The following ERGIC1 variants were observed in gnomAD, a reference collection of about 807,000 sequenced individuals.
ERGIC1 encodes the protein endoplasmic reticulum-golgi intermediate compartment 1.
Under a neutral mutation model 38.3 loss-of-function variants are expected in ERGIC1, and 19 were observed. The ratio of observed to expected loss-of-function variants is 0.50; its 90% CI spans 0.35 to 0.73. The LOEUF (loss-of-function observed/expected upper bound fraction) is 0.73. Ranked by LOEUF, ERGIC1 falls within the 30% of genes least tolerant of loss-of-function variation. The probability of loss-of-function intolerance (pLI) is 0.01; values close to 1 mark genes in which losing one functional copy is unlikely to be tolerated. For synonymous variants in ERGIC1, 124 were observed against 157.6 expected, an observed-to-expected ratio of 0.79 and a Z score of 1.60; for missense variants, 294 against 389.2, an observed-to-expected ratio of 0.76 and a Z score of 2.06.
At chr5:172,904,058 C>A (rs918563526) in intron 3 of ERGIC1, among the ~76,000 whole-genome samples, 2 of 152,200 alleles carry the variant, frequency 1.3e-5, no homozygotes, top group African/African-American at 2.4e-5. Context: ...CTTGACCTGG[C>A]AGTCATCCAG....
intron 2 of ERGIC1, among the ~76,000 whole-genome samples, chr5:172,895,039 C>T (rs1488287479): frequency 6.6e-6 from 1 of 152,218 alleles, no homozygotes; most frequent in African/African-American, 2.4e-5. Flanking sequence ...CTGTCACATC[C>T]GTGACGCTGG....
chr5:172,938,786 G>A (rs1364180773), intron 9 of ERGIC1, among the ~76,000 whole-genome samples: 1 of 151,476 alleles, frequency 6.6e-6, no homozygotes, highest in African/African-American at 2.4e-5. Context: ...GAAATCGGCC[G>A]GGCACGGTGG....
intron 5 of ERGIC1, chr5:172,920,639 T>C (rs1763487494): frequency 3.5e-6 from 2 of 576,950 alleles, no homozygotes; most frequent in South Asian, 4.0e-5. Context: ...ATGGATTTGG[T>C]GTGGAGGGGG....
At chr5:172,930,136 C>T (rs531757380) in intron 7 of ERGIC1, among the ~76,000 whole-genome samples, 134 of 146,196 alleles carry the variant, frequency 9.2e-4, no homozygotes, top group Admixed American at 1.5e-3. Flanking sequence ...TGCAGTGAGC[C>T]GAGATCGTGC....
At chr5:172,934,881 A>G in intron 8 of ERGIC1, 1 of 385,980 alleles carries the variant, frequency 2.6e-6, no homozygotes, top group South Asian at 2.7e-5. Flanking sequence ...AGGAGGCAAT[A>G]GCCAAAAATT....
intron 1 of ERGIC1, among the ~76,000 whole-genome samples, chr5:172,838,232 G>C (rs6895996): frequency 0.44 from 67,494 of 152,136 alleles, 15,470 homozygotes; most frequent in East Asian, 0.65. Flanking sequence ...AATGCAGGAT[G>C]AGGCCCATAA....
At chr5:172,866,845 T>G (rs1581524979) in intron 1 of ERGIC1, 2 of 287,798 alleles carry the variant, frequency 6.9e-6, no homozygotes, top group Non-Finnish European at 1.4e-5. Flanking sequence ...TCAGTGGAGG[T>G]TTTCTTGACT....
chr5:172,856,372 T>A (rs1417565387), intron 1 of ERGIC1, among the ~76,000 whole-genome samples: 1 of 152,188 alleles, frequency 6.6e-6, no homozygotes, highest in Non-Finnish European at 1.5e-5. Flanking sequence ...AGTGCTTGAC[T>A]GGAAGAGAAG....
chr5:172,862,276 C>T (rs1372633081), intron 1 of ERGIC1, among the ~76,000 whole-genome samples: 1 of 115,670 alleles, frequency 8.6e-6, no homozygotes, highest in South Asian at 3.0e-4. Flanking sequence ...CGTGAGCCAC[C>T]TTGCCTGGGC....
chr5:172,935,516 C>T, intron 9 of ERGIC1: 1 of 594,358 alleles, frequency 1.7e-6, no homozygotes, highest in South Asian at 2.4e-5. Flanking sequence ...GACGTTTTGT[C>T]TAGAAAGTAT....
chr5:172,865,722 C>CTG (rs1761841409), intron 1 of ERGIC1, among the ~76,000 whole-genome samples: 1 of 152,196 alleles, frequency 6.6e-6, no homozygotes. Flanking sequence ...ATGATCTGAT[C>CTG]TGTGTGTGTT....
chr5:172,921,750 A>G (rs969178095), intron 5 of ERGIC1: 2 of 145,322 alleles, frequency 1.4e-5, no homozygotes, highest in Non-Finnish European at 1.6e-5. Context: ...TTGGAGTTCA[A>G]TAATACCAGA....
chr5:172,918,943 C>T (rs1331653475), intron 5 of ERGIC1, among the ~76,000 whole-genome samples: 3 of 152,280 alleles, frequency 2.0e-5, no homozygotes, highest in Middle Eastern at 6.8e-3. Flanking sequence ...CCCCACCACG[C>T]CCCTCATCAC....
intron 3 of ERGIC1, among the ~76,000 whole-genome samples, chr5:172,902,016 A>G (rs1381627597): frequency 6.6e-6 from 1 of 152,146 alleles, no homozygotes; most frequent in African/African-American, 2.4e-5. Context: ...CCAAAACCAC[A>G]TGAAGCACTA....
intron 1 of ERGIC1, among the ~76,000 whole-genome samples, chr5:172,861,712 C>T: frequency 6.6e-6 from 1 of 152,152 alleles, no homozygotes. Flanking sequence ...AATTACTGGC[C>T]TTGTTTAGAC....
intron 9 of ERGIC1, among the ~76,000 whole-genome samples, chr5:172,940,793 T>G (rs535677946): frequency 6.6e-6 from 1 of 152,204 alleles, no homozygotes; most frequent in Non-Finnish European, 1.5e-5. Flanking sequence ...CCCACAGACG[T>G]TCCTCTCTGC....
At chr5:172,910,292 C>T (rs902241641) in intron 4 of ERGIC1, among the ~76,000 whole-genome samples, 68 of 152,042 alleles carry the variant, frequency 4.5e-4, no homozygotes, top group Admixed American at 5.2e-4. Context: ...GGTCATATCA[C>T]CTCCCAAGCA....
intron 1 of ERGIC1, among the ~76,000 whole-genome samples, chr5:172,883,225 A>G (rs796721307): frequency 5.3e-5 from 8 of 152,294 alleles, no homozygotes; most frequent in African/African-American, 1.9e-4. Context: ...TATGCCCTTT[A>G]CCCAAGCATC....
At chr5:172,884,423 G>T (rs371187114) in intron 1 of ERGIC1, among the ~76,000 whole-genome samples, 2 of 151,768 alleles carry the variant, frequency 1.3e-5, no homozygotes, top group East Asian at 3.9e-4. Context: ...GTTGTTTTTT[G>T]TTGTTGTTGT....
Sources: gnomAD v4.1 joint callset for allele counts (sites outside exome capture counted in the v4.1 genomes callset) on GRCh38, gnomAD v4.1.1 for gene constraint, MANE v1.5 for transcripts, NCBI Gene and HGNC (gene_info 2026-07-23, HGNC 2026-07-21) for gene names.